PDZRN4: variants seen among roughly 807,000 people sequenced by gnomAD.
PDZRN4 encodes the protein PDZ domain containing ring finger 4.
PDZRN4 carries 70 observed loss-of-function variants against 99.0 expected under a neutral mutation model. The observed-to-expected ratio is 0.71, with a 90% CI of 0.58 to 0.86. The LOEUF is 0.86. Ranked by LOEUF, PDZRN4 falls within the 40% of genes least tolerant of loss-of-function variation. PDZRN4 has a pLI of 0.00. For missense variants in PDZRN4, 1,474 were observed against 1,331.2 expected, an observed-to-expected ratio of 1.11 and a Z score of -1.67; for synonymous variants, 551 against 501.6, an observed-to-expected ratio of 1.10 and a Z score of -1.32.
At chr12:41,285,458 G>A (rs1470110142) in intron 3 of PDZRN4, among the ~76,000 whole-genome samples, 1 of 152,126 alleles carries the variant, frequency 6.6e-6, no homozygotes, top group Non-Finnish European at 1.5e-5. Context: ...GATTCCTCAA[G>A]GATCTAGAGC....
At chr12:41,380,004 T>G (rs1952111897) in intron 3 of PDZRN4, among the ~76,000 whole-genome samples, 1 of 152,122 alleles carries the variant, frequency 6.6e-6, no homozygotes, top group Non-Finnish European at 1.5e-5. Flanking sequence ...TAGCATTTGC[T>G]TGATATATTT....
chr12:41,555,022 C>A (rs1468335014), intron 6 of PDZRN4, among the ~76,000 whole-genome samples: 2 of 139,310 alleles, frequency 1.4e-5, no homozygotes, highest in African/African-American at 5.5e-5. Flanking sequence ...TCCGGGCTAA[C>A]ACGGTGAAAC....
chr12:41,530,576 C>A (rs537759503), intron 5 of PDZRN4, among the ~76,000 whole-genome samples: 1 of 152,258 alleles, frequency 6.6e-6, no homozygotes, highest in South Asian at 2.1e-4. Flanking sequence ...GTGCTGTGAA[C>A]ATTCTTTTAT....
intron 3 of PDZRN4, among the ~76,000 whole-genome samples, chr12:41,332,234 G>A (rs1951745132): frequency 6.6e-6 from 1 of 152,106 alleles, no homozygotes; most frequent in Admixed American, 6.6e-5. Flanking sequence ...GTTTTTCAAG[G>A]AGAGTACAAA....
intron 3 of PDZRN4, among the ~76,000 whole-genome samples, chr12:41,428,688 A>G (rs931790034): frequency 1.3e-5 from 2 of 152,222 alleles, no homozygotes; most frequent in African/African-American, 4.8e-5. Flanking sequence ...AGTTGCGACC[A>G]GGGAATCAGG....
intron 3 of PDZRN4, among the ~76,000 whole-genome samples, chr12:41,488,070 T>C (rs1937810169): frequency 6.6e-6 from 1 of 152,184 alleles, no homozygotes; most frequent in African/African-American, 2.4e-5. Context: ...AATAGTCAAG[T>C]ACTATTTTCA....
At chr12:41,534,848 G>A (rs938040636) in intron 5 of PDZRN4, among the ~76,000 whole-genome samples, 1 of 151,982 alleles carries the variant, frequency 6.6e-6, no homozygotes, top group African/African-American at 2.4e-5. Context: ...CTGTGGATTA[G>A]CACTTTTCAT....
chr12:41,279,496 C>A (rs1298681693), intron 3 of PDZRN4, among the ~76,000 whole-genome samples: 1 of 152,082 alleles, frequency 6.6e-6, no homozygotes, highest in Non-Finnish European at 1.5e-5. Flanking sequence ...TAGTTTCCAA[C>A]AATAAGTAGG....
At chr12:41,413,819 G>T (rs1433192610) in intron 3 of PDZRN4, among the ~76,000 whole-genome samples, 2 of 151,978 alleles carry the variant, frequency 1.3e-5, no homozygotes, top group East Asian at 3.9e-4. Context: ...TACATTCAAG[G>T]TTAATATTGA....
At chr12:41,256,259 A>T (rs935032251) in intron 3 of PDZRN4, among the ~76,000 whole-genome samples, 1 of 152,224 alleles carries the variant, frequency 6.6e-6, no homozygotes, top group African/African-American at 2.4e-5. Flanking sequence ...TAAAATGAAT[A>T]AAAATTTCTT....
chr12:41,327,040 A>G (rs1171379092), intron 3 of PDZRN4, among the ~76,000 whole-genome samples: 1 of 152,014 alleles, frequency 6.6e-6, no homozygotes, highest in African/African-American at 2.4e-5. Flanking sequence ...GACAATCTCT[A>G]TTTCTCTTGA....
At chr12:41,435,171 G>T (rs997245381) in intron 3 of PDZRN4, among the ~76,000 whole-genome samples, 3 of 152,182 alleles carry the variant, frequency 2.0e-5, no homozygotes, top group Non-Finnish European at 4.4e-5. Context: ...AATGAATAAA[G>T]AAAACAGCCA....
At chr12:41,508,972 T>G (rs1339118121) in intron 4 of PDZRN4, among the ~76,000 whole-genome samples, 1 of 152,204 alleles carries the variant, frequency 6.6e-6, no homozygotes, top group East Asian at 1.9e-4. Context: ...AGAAAAGGCC[T>G]TATGCTCTTT....
intron 5 of PDZRN4, among the ~76,000 whole-genome samples, chr12:41,544,802 A>C (rs1437677008): frequency 6.6e-6 from 1 of 152,194 alleles, no homozygotes; most frequent in Non-Finnish European, 1.5e-5. Context: ...AGAGCTGAAA[A>C]ATGAGAAAGA....
chr12:41,428,705 A>C (rs1751565980), intron 3 of PDZRN4, among the ~76,000 whole-genome samples: 1 of 152,204 alleles, frequency 6.6e-6, no homozygotes, highest in Admixed American at 6.5e-5. Context: ...CAGGGGCAAG[A>C]TGGGCTTACA....
At chr12:41,272,703 C>T (rs901345306) in intron 3 of PDZRN4, among the ~76,000 whole-genome samples, 4 of 152,030 alleles carry the variant, frequency 2.6e-5, no homozygotes, top group Non-Finnish European at 4.4e-5. Context: ...AAAACTTTAT[C>T]GGCAGTTCAA....
chr12:41,217,631 A>G (rs757815439), intron 3 of PDZRN4, among the ~76,000 whole-genome samples: 4 of 152,136 alleles, frequency 2.6e-5, no homozygotes, highest in Admixed American at 6.6e-5. Flanking sequence ...GTTAAAAATC[A>G]GTTTAGCCTG....
chr12:41,235,435 A>T (rs893546812), intron 3 of PDZRN4, among the ~76,000 whole-genome samples: 2 of 152,150 alleles, frequency 1.3e-5, no homozygotes, highest in Non-Finnish European at 2.9e-5. Flanking sequence ...AAGATAAGCA[A>T]TTATATTAAC....
At chr12:41,536,857 C>G (rs1938757610) in intron 5 of PDZRN4, among the ~76,000 whole-genome samples, 1 of 151,072 alleles carries the variant, frequency 6.6e-6, no homozygotes, top group African/African-American at 2.4e-5. Context: ...ATTTTGTCAT[C>G]TTGTTAGTAT....
Sources: allele counts gnomAD v4.1 joint callset (sites outside exome capture counted in the v4.1 genomes callset), GRCh38; gene constraint gnomAD v4.1.1; transcripts MANE v1.5; gene names NCBI Gene and HGNC (gene_info 2026-07-23, HGNC 2026-07-21).